Variants in PRORP observed in about 807,000 individuals in gnomAD.
PRORP encodes the protein mitochondrial ribonuclease P catalytic subunit.
A neutral mutation model predicts 59.4 loss-of-function variants in PRORP; 51 were observed. The observed-to-expected ratio is 0.86, with a 90% confidence interval of 0.69 to 1.08. PRORP has a LOEUF of 1.08. Ranked by LOEUF, PRORP falls within the 50% of genes least tolerant of loss-of-function variation. The pLI, the probability that PRORP is intolerant of heterozygous loss-of-function variation, is 0.00. For missense variants in PRORP, 646 were observed against 690.3 expected, an observed-to-expected ratio of 0.94 and a Z score of 0.72; for synonymous variants, 231 against 245.6, an observed-to-expected ratio of 0.94 and a Z score of 0.55.
chr14:35,187,847 CTT>C (rs553681091), intron 5 of PRORP, among the ~76,000 whole-genome samples: 1 of 147,010 alleles, frequency 6.8e-6, no homozygotes. Flanking sequence ...ATTTTCTTTT[CTT>C]TTTTTTTTTA....
rs755232089 is a variant in PRORP, at chr14:35,123,308, G to A, written c.63G>A (p.Gly21=). The change falls in exon 2 of 8, where the codon GGG becomes GGA. Residue 21 remains glycine (G), a synonymous_variant. Coordinates refer to ENST00000534898, the MANE Select transcript of PRORP (RefSeq NM_014672.4). ...AGCTTTGGAAGAGCCCATACCTTGG[G>A]CTAGGCCCAGGGCACTCTTATGTCT... The part of the protein sequence containing the change: ...FPKLWKSPYL[G]LGPGHSYVSL... The A allele has an allele frequency of 6.2e-7, 1 of 1,613,730 alleles. No individual in the cohort carries two copies. Among genetic ancestry groups the A allele is most frequent in the Non-Finnish European group, 8.5e-7 (1 of 1,180,026 alleles).
At position 35,122,972 on chromosome 14, in the gene PRORP, G is replaced by A; in HGVS notation, c.-274G>A. 2 of 403,324 alleles carry A rather than the reference G, an allele frequency of 5.0e-6. No individual in the cohort carries two copies. Among genetic ancestry groups the A allele is most frequent in the Non-Finnish European group, 9.0e-6 (2 of 221,938 alleles). 25.0% of individuals were successfully genotyped at this position (403,324 alleles called of 1,614,324 possible). On this transcript the variant is annotated 5_prime_UTR_variant, in exon 2 of 8. Coordinates refer to ENST00000534898, the MANE Select transcript of PRORP (RefSeq NM_014672.4). ...CTCAGGTTCATGAACTGGAATGTAA[G>A]AGGCACCAGAGGATTCCTGCTCTGT...
chr14:35,172,052 A>ATTT (rs149889091), intron 4 of PRORP, among the ~76,000 whole-genome samples: 49,118 of 140,444 alleles, frequency 0.35, 9,812 homozygotes, highest in East Asian at 0.68. Flanking sequence ...TTTACTTCTA[A>ATTT]TTTTTTTTTT....
chr14:35,239,608 G>C (rs1459146017), intron 5 of PRORP, among the ~76,000 whole-genome samples: 1 of 152,134 alleles, frequency 6.6e-6, no homozygotes, highest in Non-Finnish European at 1.5e-5. Context: ...CAAGATTCTC[G>C]TGACCTTTGA....
chr14:35,171,582 T>A (rs1012230288), intron 4 of PRORP, among the ~76,000 whole-genome samples: 5 of 152,196 alleles, frequency 3.3e-5, no homozygotes, highest in African/African-American at 1.2e-4. Context: ...TTTTTCTATT[T>A]TTGATTTTCA....
chr14:35,239,453 C>G (rs1042308540), intron 5 of PRORP, among the ~76,000 whole-genome samples: 1 of 151,976 alleles, frequency 6.6e-6, no homozygotes, highest in Non-Finnish European at 1.5e-5. Flanking sequence ...AGTACATGAT[C>G]AAGGTGGAGC....
intron 7 of PRORP, among the ~76,000 whole-genome samples, chr14:35,271,004 A>G (rs1342304602): frequency 6.6e-6 from 1 of 151,460 alleles, no homozygotes; most frequent in Non-Finnish European, 1.5e-5. Flanking sequence ...GGAGAATGTC[A>G]TGAACCCTGG....
intron 5 of PRORP, among the ~76,000 whole-genome samples, chr14:35,238,349 A>C (rs1337522389): frequency 3.3e-5 from 5 of 152,152 alleles, no homozygotes; most frequent in African/African-American, 1.2e-4. Flanking sequence ...AGTTCTCTGG[A>C]TTTGTTTACA....
intron 4 of PRORP, among the ~76,000 whole-genome samples, chr14:35,168,463 G>T (rs910946453): frequency 6.6e-6 from 1 of 152,080 alleles, no homozygotes; most frequent in Non-Finnish European, 1.5e-5. Flanking sequence ...CTCAGGTTTT[G>T]TCACTTGTCC....
chr14:35,267,608 C>T (rs532439831), intron 6 of PRORP, among the ~76,000 whole-genome samples: 2 of 152,214 alleles, frequency 1.3e-5, no homozygotes, highest in South Asian at 4.1e-4. Flanking sequence ...GGTGAAACCT[C>T]ATCTCTACTA....
At chr14:35,221,105 A>C (rs2049766951) in intron 5 of PRORP, among the ~76,000 whole-genome samples, 1 of 152,156 alleles carries the variant, frequency 6.6e-6, no homozygotes, top group African/African-American at 2.4e-5. Context: ...CAGCATCCTC[A>C]TCCATCCACT....
chr14:35,143,177 C>G (rs951334292), intron 4 of PRORP, among the ~76,000 whole-genome samples: 3 of 145,792 alleles, frequency 2.1e-5, no homozygotes, highest in Non-Finnish European at 3.1e-5. Context: ...TTAAGCGAGA[C>G]AGTCTCTCTC....
intron 5 of PRORP, among the ~76,000 whole-genome samples, chr14:35,237,152 G>A (rs528884908): frequency 7.3e-5 from 11 of 150,788 alleles, no homozygotes; most frequent in African/African-American, 2.7e-4. Flanking sequence ...CAGTGCAGTG[G>A]CGCCATCACA....
chr14:35,151,679 G>C (rs1022449984), intron 4 of PRORP, among the ~76,000 whole-genome samples: 87 of 132,142 alleles, frequency 6.6e-4, no homozygotes, highest in African/African-American at 2.4e-3. Context: ...CACACACACA[G>C]AGCTTTTACT....
intron 4 of PRORP, among the ~76,000 whole-genome samples, chr14:35,140,435 A>G (rs1177860050): frequency 6.9e-6 from 1 of 145,614 alleles, no homozygotes; most frequent in Non-Finnish European, 1.5e-5. Flanking sequence ...GATTTTCCTA[A>G]TGACTAATGT....
Position 35,123,343 on chromosome 14 carries a change from T to C in PRORP, c.98T>C (p.Leu33Pro). The C allele has an allele frequency of 6.2e-7, 1 of 1,614,106 alleles. No individual in the cohort carries two copies. The highest frequency in any genetic ancestry group is 8.5e-7 in the Non-Finnish European group (1 of 1,180,044). The change falls in exon 2 of 8, where the codon CTG becomes CCG. Residue 33 changes from leucine (L) to proline (P), a missense_variant. Leu to Pro is a moderately conservative substitution (Grantham distance 98). Transcript: ENST00000534898. ...GGGCACTCTTATGTCTCGCTGTTTC[T>C]GGCAGACCGCTGTGGCATCAGGAAC... ...GPGHSYVSLF[L>P]ADRCGIRNQQ...
intron 5 of PRORP, among the ~76,000 whole-genome samples, chr14:35,246,898 G>A (rs2050500549): frequency 6.6e-6 from 1 of 152,048 alleles, no homozygotes; most frequent in African/African-American, 2.4e-5. Context: ...AATATAGTAA[G>A]GATTGGGAGC....
chr14:35,271,978 A>G (rs1171971094), intron 7 of PRORP, among the ~76,000 whole-genome samples: 1 of 150,106 alleles, frequency 6.7e-6, no homozygotes, highest in East Asian at 2.1e-4. Context: ...GTGAGCCAAG[A>G]TTGTGCCACT....
chr14:35,241,140 G>A (rs2050355697), intron 5 of PRORP, among the ~76,000 whole-genome samples: 1 of 152,192 alleles, frequency 6.6e-6, no homozygotes, highest in South Asian at 2.1e-4. Context: ...CACTTTGGGA[G>A]GCCAAGGCGG....
Sources: allele counts gnomAD v4.1 joint callset (sites outside exome capture counted in the v4.1 genomes callset), GRCh38; gene constraint gnomAD v4.1.1; transcripts MANE v1.5; gene names NCBI Gene and HGNC (gene_info 2026-07-23, HGNC 2026-07-21).